CECR2: variants seen among roughly 807,000 people sequenced by gnomAD.
CECR2 encodes CECR2 histone acetyl-lysine reader, also known as chromatin remodeling regulator CECR2.
CECR2 carries 30 observed loss-of-function variants against 154.5 expected under a neutral mutation model. That is an observed-to-expected ratio of 0.19 (90% CI 0.15 to 0.26). The LOEUF (loss-of-function observed/expected upper bound fraction) is 0.26, where lower values mean the gene tolerates loss of function less well. CECR2 is among the 10% of genes least tolerant of loss of function. CECR2 has a pLI of 1.00. For missense variants in CECR2, 1,743 were observed against 1,829.3 expected, an observed-to-expected ratio of 0.95 and a Z score of 0.86; for synonymous variants, 725 against 683.7, an observed-to-expected ratio of 1.06 and a Z score of -0.94.
chr22:17,387,361 C>T (rs2063275343), intron 1 of CECR2, among the ~76,000 whole-genome samples: 1 of 152,138 alleles, frequency 6.6e-6, no homozygotes, highest in African/African-American at 2.4e-5. Flanking sequence ...AATTTCCATT[C>T]TTGGGAGCGT....
At chr22:17,459,140 G>T (rs2054898086) in intron 1 of CECR2, among the ~76,000 whole-genome samples, 1 of 152,182 alleles carries the variant, frequency 6.6e-6, no homozygotes. Context: ...GATTCCAAAG[G>T]ATTGATTTTA....
chr22:17,516,252 G>A (rs2056052234), intron 8 of CECR2, among the ~76,000 whole-genome samples: 1 of 150,648 alleles, frequency 6.6e-6, no homozygotes, highest in African/African-American at 2.4e-5. Context: ...CATATTTACA[G>A]TTATGTACAT....
At chr22:17,465,799 A>G (rs879292216) in intron 1 of CECR2, among the ~76,000 whole-genome samples, 6 of 152,038 alleles carry the variant, frequency 3.9e-5, no homozygotes, top group Non-Finnish European at 8.8e-5. Flanking sequence ...TTGTATTCTT[A>G]GTAGAGACAG....
Position 17,552,947 on chromosome 22 carries a change from C to G in CECR2, c.*107C>G, listed in dbSNP as rs868494577. 1.3e-6 allele frequency: 2 copies of G among 1,511,892 alleles called. No homozygotes were observed. Among genetic ancestry groups the G allele is most frequent in the African/African-American group, 2.8e-5 (2 of 70,608 alleles). The allele number at this position is 1,511,892 out of a possible 1,614,324, so 93.7% of individuals were successfully genotyped here. ...CTCTATTCCCATCACCTGCTCCACC[C>G]CTTCACGGCGACCCACTCGTGCCAT... On this transcript the variant is annotated 3_prime_UTR_variant, in exon 19 of 19. Transcript: ENST00000262608.
At chr22:17,440,695 G>C (rs1163341172) in intron 1 of CECR2, among the ~76,000 whole-genome samples, 1 of 152,094 alleles carries the variant, frequency 6.6e-6, no homozygotes, top group Non-Finnish European at 1.5e-5. Context: ...AAGAAAACAA[G>C]AAAAACTTGA....
intron 12 of CECR2, 129 bp downstream of exon 12, chr22:17,538,860 A>T: frequency 7.6e-7 from 1 of 1,315,426 alleles, no homozygotes; most frequent in South Asian, 1.4e-5. Context: ...AGTTCATGTG[A>T]TGTTTCTCGT....
At chr22:17,370,289 G>T (rs1334597252) in intron 1 of CECR2, among the ~76,000 whole-genome samples, 5 of 148,890 alleles carry the variant, frequency 3.4e-5, no homozygotes, top group Non-Finnish European at 3.0e-5. Flanking sequence ...CCATTGAGGC[G>T]CGAGCCAGCT....
upstream of CECR2, among the ~76,000 whole-genome samples, chr22:17,368,044 G>A (rs2063012116): frequency 2.6e-5 from 4 of 152,148 alleles, no homozygotes; most frequent in Non-Finnish European, 5.9e-5. Context: ...GGGCGGAGGA[G>A]ACCCTTGTTA....
At chr22:17,509,490 C>T (rs914221105) in intron 7 of CECR2, among the ~76,000 whole-genome samples, 1 of 150,878 alleles carries the variant, frequency 6.6e-6, no homozygotes, top group East Asian at 1.9e-4. Flanking sequence ...AGTGCAGTAG[C>T]GTGATCATAG....
At chr22:17,493,841 G>A (rs1293043642) in intron 2 of CECR2, among the ~76,000 whole-genome samples, 4 of 152,202 alleles carry the variant, frequency 2.6e-5, no homozygotes, top group Non-Finnish European at 5.9e-5. Flanking sequence ...GAAAGGTCTC[G>A]CTCCCTGGCC....
chr22:17,467,698 T>TGC (rs2055056647), intron 1 of CECR2, among the ~76,000 whole-genome samples: 1 of 151,994 alleles, frequency 6.6e-6, no homozygotes, highest in Non-Finnish European at 1.5e-5. Context: ...AGGAGAATCA[T>TGC]TTGAACCTGG....
chr22:17,378,389 C>T (rs1418795939), intron 1 of CECR2, among the ~76,000 whole-genome samples: 11 of 151,056 alleles, frequency 7.3e-5, no homozygotes, highest in Non-Finnish European at 1.5e-4. Context: ...CTCTGCCTCC[C>T]GGGTTCACAC....
chr22:17,464,788 A>G (rs1373906245), intron 1 of CECR2, among the ~76,000 whole-genome samples: 1 of 152,174 alleles, frequency 6.6e-6, no homozygotes, highest in Non-Finnish European at 1.5e-5. Context: ...TCCATGAGCC[A>G]TTGTGCCCAG....
At chr22:17,396,857 C>A (rs1015125163) in intron 1 of CECR2, among the ~76,000 whole-genome samples, 1 of 152,122 alleles carries the variant, frequency 6.6e-6, no homozygotes, top group Non-Finnish European at 1.5e-5. Flanking sequence ...GATGACAGGA[C>A]GTGAAGTAGA....
At chr22:17,414,611 A>G (rs1222684113) in intron 1 of CECR2, among the ~76,000 whole-genome samples, 1 of 151,236 alleles carries the variant, frequency 6.6e-6, no homozygotes, top group Non-Finnish European at 1.5e-5. Context: ...GGTGTGCTGC[A>G]CCCATTAACT....
At chr22:17,435,412 T>TAGA (rs2054488642) in intron 1 of CECR2, among the ~76,000 whole-genome samples, 1 of 151,996 alleles carries the variant, frequency 6.6e-6, no homozygotes, top group Admixed American at 6.6e-5. Flanking sequence ...GAAAGCAAGG[T>TAGA]AGAATTTGGA....
chr22:17,379,311 G>C (rs1387560672), intron 1 of CECR2, among the ~76,000 whole-genome samples: 1 of 152,118 alleles, frequency 6.6e-6, no homozygotes, highest in Admixed American at 6.6e-5. Context: ...AAGAGAGTTT[G>C]GGGCTAGTAG....
chr22:17,557,145 C>CCTT lies in CECR2; in HGVS notation c.*4305_*4306insCTT, dbSNP rs1325335722. On this transcript the variant is annotated 3_prime_UTR_variant, in exon 19 of 19. Coordinates refer to ENST00000262608, the MANE Select transcript of CECR2 (RefSeq NM_001290047.2). ...TACTGCATCCCGTTTTTTTTCTTTTCTTTTTTTTTTTTTTTTTTTTGAGAC... is the reference window on the plus strand; with the variant it reads ...TACTGCATCCCGTTTTTTTTCTTTTCCTTTTTTTTTTTTTTTTTTTTTTGAGAC... 9.4e-6 allele frequency: 1 copy of CCTT among 106,540 alleles called. No homozygotes were observed. The highest frequency in any genetic ancestry group is 1.8e-5 in the Non-Finnish European group (1 of 55,926). The allele number at this position is 106,540 out of a possible 1,614,324, so 6.6% of individuals were successfully genotyped here.
chr22:17,407,137 C>T (rs2053996221), intron 1 of CECR2, among the ~76,000 whole-genome samples: 1 of 152,200 alleles, frequency 6.6e-6, no homozygotes, highest in African/African-American at 2.4e-5. Context: ...TGGATAGAAA[C>T]TTAAGATAAA....
Sources: gnomAD v4.1 joint callset for allele counts (sites outside exome capture counted in the v4.1 genomes callset) on GRCh38, gnomAD v4.1.1 for gene constraint, MANE v1.5 for transcripts, NCBI Gene and HGNC (gene_info 2026-07-23, HGNC 2026-07-21) for gene names.